MATCAP2: variants seen among roughly 807,000 people sequenced by gnomAD.
MATCAP2 encodes the protein putative tyrosine carboxypeptidase MATCAP2.
the MATCAP2 span, among the ~76,000 whole-genome samples, chr7:36,359,571 G>T: frequency 6.6e-6 from 1 of 152,154 alleles, no homozygotes; most frequent in Non-Finnish European, 1.5e-5. Flanking sequence ...GCTTGCAGGG[G>T]CTAAATGTCT....
the MATCAP2 span, chr7:36,333,988 T>C: frequency 6.2e-7 from 1 of 1,613,920 alleles, no homozygotes; most frequent in Non-Finnish European, 8.5e-7. Flanking sequence ...TGATAAACAG[T>C]GTAGTAGAGG....
At chr7:36,366,718 G>A in the MATCAP2 span, 1 of 1,535,318 alleles carries the variant, frequency 6.5e-7, no homozygotes, top group African/African-American at 1.4e-5. Context: ...AATAAGTGAC[G>A]AAAGGATAAG....
chr7:36,366,943 T>C, the MATCAP2 span: 2 of 1,371,788 alleles, frequency 1.5e-6, no homozygotes, highest in African/African-American at 1.5e-5. Flanking sequence ...TCCAGCATCG[T>C]CGCCCCGAGG....
chr7:36,386,884 C>G, the MATCAP2 span, among the ~76,000 whole-genome samples: 2 of 152,046 alleles, frequency 1.3e-5, no homozygotes, highest in East Asian at 3.9e-4. Context: ...TTTTTAATAT[C>G]TGGTAATAAT....
the MATCAP2 span, among the ~76,000 whole-genome samples, chr7:36,372,533 A>C: frequency 6.6e-6 from 1 of 152,236 alleles, no homozygotes; most frequent in Non-Finnish European, 1.5e-5. Flanking sequence ...TTTTACCTCA[A>C]TGAAAATAGA....
the MATCAP2 span, chr7:36,333,757 T>C: frequency 9.4e-7 from 1 of 1,064,714 alleles, no homozygotes; most frequent in Non-Finnish European, 1.3e-6. Context: ...TTTCATTTTT[T>C]TAAGTAAGTG....
the MATCAP2 span, among the ~76,000 whole-genome samples, chr7:36,347,473 A>G: frequency 6.6e-6 from 1 of 152,232 alleles, no homozygotes; most frequent in Non-Finnish European, 1.5e-5. Flanking sequence ...ACTAGAAGTC[A>G]GAAGACCTGG....
the MATCAP2 span, chr7:36,367,284 G>A: frequency 2.9e-6 from 3 of 1,034,796 alleles, no homozygotes; most frequent in Non-Finnish European, 2.3e-6. Flanking sequence ...GAGCCTGCGC[G>A]CCGCTGGGGG....
chr7:36,330,033 T>G, the MATCAP2 span, among the ~76,000 whole-genome samples: 1 of 148,970 alleles, frequency 6.7e-6, no homozygotes, highest in Admixed American at 6.9e-5. Flanking sequence ...TCAAGAAAAC[T>G]GTGCCGATCT....
the MATCAP2 span, chr7:36,326,935 T>G: frequency 6.3e-7 from 1 of 1,595,938 alleles, no homozygotes; most frequent in Non-Finnish European, 8.5e-7. Flanking sequence ...AAAAGGAAGA[T>G]GAGTTAAATT....
chr7:36,386,621 A>G, the MATCAP2 span, among the ~76,000 whole-genome samples: 1 of 152,236 alleles, frequency 6.6e-6, no homozygotes, highest in Admixed American at 6.5e-5. Context: ...CTATAAATCC[A>G]TAAGAAAAAG....
the MATCAP2 span, among the ~76,000 whole-genome samples, chr7:36,340,493 G>C: frequency 2.0e-5 from 3 of 152,062 alleles, no homozygotes; most frequent in African/African-American, 7.2e-5. Flanking sequence ...CACCACCATA[G>C]CGTCAACACT....
At chr7:36,331,528 A>G in the MATCAP2 span, among the ~76,000 whole-genome samples, 1 of 152,146 alleles carries the variant, frequency 6.6e-6, no homozygotes, top group Non-Finnish European at 1.5e-5. Context: ...AGGGTTTTAG[A>G]AACTCCTGGT....
At chr7:36,357,125 G>C in the MATCAP2 span, 1 of 1,614,152 alleles carries the variant, frequency 6.2e-7, no homozygotes, top group Non-Finnish European at 8.5e-7. Flanking sequence ...CTTTGGCTTT[G>C]GAAGAGTGGA....
At chr7:36,336,036 A>C in the MATCAP2 span, 1 of 661,240 alleles carries the variant, frequency 1.5e-6, no homozygotes, top group Non-Finnish European at 2.2e-6. Flanking sequence ...TCACCACTGC[A>C]CTCCAGTCTG....
At chr7:36,327,715 A>G in the MATCAP2 span, among the ~76,000 whole-genome samples, 4 of 152,264 alleles carry the variant, frequency 2.6e-5, no homozygotes, top group Non-Finnish European at 5.9e-5. Context: ...CACCCACGTG[A>G]TGCTCACAGA....
chr7:36,332,463 G>A, the MATCAP2 span, among the ~76,000 whole-genome samples: 1 of 152,150 alleles, frequency 6.6e-6, no homozygotes, highest in Admixed American at 6.5e-5. Context: ...TGAAAGACAG[G>A]AGAGAGATGT....
chr7:36,359,998 G>T, the MATCAP2 span, among the ~76,000 whole-genome samples: 15 of 152,190 alleles, frequency 9.9e-5, no homozygotes, highest in Admixed American at 9.8e-4. Context: ...ACTAGGTGTA[G>T]CCGGAAACGT....
the MATCAP2 span, among the ~76,000 whole-genome samples, chr7:36,338,896 C>T: frequency 1.3e-5 from 2 of 152,262 alleles, no homozygotes; most frequent in Non-Finnish European, 2.9e-5. Context: ...TTTCAATCAA[C>T]TGCCAATCAG....
Sources: allele counts gnomAD v4.1 joint callset (sites outside exome capture counted in the v4.1 genomes callset), GRCh38; gene constraint gnomAD v4.1.1; transcripts MANE v1.5; gene names NCBI Gene and HGNC (gene_info 2026-07-23, HGNC 2026-07-21).